The following WDSUB1 variants were observed in gnomAD, a reference collection of about 807,000 sequenced individuals.
WDSUB1 encodes WD repeat, SAM and U-box domain-containing protein 1.
In WDSUB1, 49 loss-of-function variants were observed where a neutral mutation model predicts 53.9. That is an observed-to-expected ratio of 0.91 (90% CI 0.72 to 1.15). The LOEUF (loss-of-function observed/expected upper bound fraction) is 1.15, where lower values mean the gene tolerates loss of function less well. Among genes scored for constraint, WDSUB1 ranks in the 50% most tolerant of loss-of-function variants. The pLI is 0.00. For missense variants in WDSUB1, 514 were observed against 562.0 expected (o/e 0.91, Z 0.86); for synonymous variants, 194 against 200.6 (o/e 0.97, Z 0.28).
intron 2 of WDSUB1, among the ~76,000 whole-genome samples, chr2:159,280,780 A>T (rs2061648228): frequency 6.6e-6 from 1 of 151,882 alleles, no homozygotes; most frequent in Non-Finnish European, 1.5e-5. Flanking sequence ...GGGCAAGTTA[A>T]AATTACGTTA....
At chr2:159,262,026 CA>C (rs2061239553) in intron 5 of WDSUB1, among the ~76,000 whole-genome samples, 2 of 146,942 alleles carry the variant, frequency 1.4e-5, no homozygotes, top group Non-Finnish European at 3.0e-5. Context: ...GATAATTAGC[CA>C]AAATTTCATC....
At chr2:159,272,736 T>C (rs1250299734) in intron 4 of WDSUB1, among the ~76,000 whole-genome samples, 4 of 152,222 alleles carry the variant, frequency 2.6e-5, no homozygotes, top group Non-Finnish European at 5.9e-5. Context: ...AAAAAATACT[T>C]TCTCATCCTG....
intron 5 of WDSUB1, among the ~76,000 whole-genome samples, chr2:159,264,801 G>A (rs867110624): frequency 1.3e-5 from 2 of 152,106 alleles, no homozygotes; most frequent in South Asian, 4.1e-4. Flanking sequence ...AAAAGGAAAA[G>A]GGCCAGGCGC....
At chr2:159,237,974 G>A (rs967421305) in intron 10 of WDSUB1, among the ~76,000 whole-genome samples, 3 of 138,640 alleles carry the variant, frequency 2.2e-5, no homozygotes, top group African/African-American at 5.3e-5. Context: ...GGAATTCTAA[G>A]TTTTTCATTC....
At chr2:159,281,396 G>A (rs533621782) in intron 2 of WDSUB1, among the ~76,000 whole-genome samples, 57 of 152,164 alleles carry the variant, frequency 3.7e-4, no homozygotes, top group African/African-American at 1.3e-3. Flanking sequence ...ACGCCACCAC[G>A]CCTAGCTAAT....
intron 10 of WDSUB1, among the ~76,000 whole-genome samples, chr2:159,243,303 G>T (rs904432910): frequency 1.4e-5 from 2 of 147,638 alleles, no homozygotes; most frequent in African/African-American, 2.6e-5. Context: ...AGGGGCTGGG[G>T]TCGGAAGACA....
chr2:159,282,917 CTTCAA>C lies in WDSUB1; in HGVS notation c.148_152del (p.Leu50ValfsTer33), dbSNP rs757306371. On this transcript the variant is annotated frameshift_variant, in exon 2 of 11. Transcript: ENST00000359774. LOFTEE classifies it high-confidence loss of function. ...AGCAGTGGACAGCATAGGTATGAAA[CTTCAA>C]TGGAGAATGTGGCAGTTCAGTAAAG... The C allele has an allele frequency of 6.2e-7, 1 of 1,614,190 alleles. No individual in the cohort carries two copies. The highest frequency in any genetic ancestry group is 8.5e-7 in the Non-Finnish European group (1 of 1,180,046).
chr2:159,257,068 A>G (rs777529451), intron 8 of WDSUB1, among the ~76,000 whole-genome samples: 51 of 152,200 alleles, frequency 3.4e-4, no homozygotes, highest in Admixed American at 5.9e-4. Flanking sequence ...GCGTGTTCTC[A>G]GCTCACTGCA....
At chr2:159,261,434 T>C (rs768222812) in intron 5 of WDSUB1, among the ~76,000 whole-genome samples, 2 of 152,220 alleles carry the variant, frequency 1.3e-5, no homozygotes, top group Non-Finnish European at 2.9e-5. Context: ...AATGTTAAAC[T>C]GCATCCAAAA....
At chr2:159,281,594 C>T (rs1159873400) in intron 2 of WDSUB1, among the ~76,000 whole-genome samples, 1 of 152,194 alleles carries the variant, frequency 6.6e-6, no homozygotes, top group African/African-American at 2.4e-5. Flanking sequence ...GTTCCTTCTT[C>T]TGGGCTTGGT....
intron 9 of WDSUB1, among the ~76,000 whole-genome samples, chr2:159,249,577 G>A (rs1048323909): frequency 4.6e-5 from 7 of 152,142 alleles, no homozygotes; most frequent in African/African-American, 1.7e-4. Flanking sequence ...TCTTCTTGAG[G>A]ATGTCTGAAA....
chr2:159,281,401 G>A lies in WDSUB1; in HGVS notation c.398+1271C>T, dbSNP rs145940012. On this transcript the variant is annotated intron_variant, in intron 2 of 10. Transcript: ENST00000359774. ...CTACAGGCACACGCCACCACGCCTA[G>A]CTAATAAAAATGATAACTTCTGTTA... 8.1e-3 allele frequency among the ~76,000 whole-genome samples: 1,231 copies of A among 152,234 alleles called. 12 individuals carry two copies. The highest frequency in any genetic ancestry group is 0.023 in the African/African-American group (951 of 41,522).
intron 6 of WDSUB1, among the ~76,000 whole-genome samples, chr2:159,258,529 C>T (rs545334500): frequency 1.3e-5 from 2 of 152,088 alleles, no homozygotes; most frequent in African/African-American, 4.8e-5. Flanking sequence ...CATGGTGGCA[C>T]GTGCCTGTAG....
In WDSUB1 at chr2:159,282,879, G is replaced by A; in HGVS notation, c.191C>T (p.Pro64Leu). The change falls in exon 2 of 11, where the codon CCT becomes CTT. Residue 64 changes from proline to leucine, a missense_variant. Transcript: ENST00000359774. ...TYAVHCCCFS[P>L]SGHILASCST... ...ACACGATGCCAAAATATGTCCTGAA[G>A]GGGAGAAACAGCAGCAGTGGACAGC... 1 of 1,614,166 alleles carries A rather than the reference G, an allele frequency of 6.2e-7. No homozygotes were observed. The highest frequency in any genetic ancestry group is 8.5e-7 in the Non-Finnish European group (1 of 1,180,030).
chr2:159,280,705 A>AAAAAAAT (rs1158126068), intron 2 of WDSUB1, among the ~76,000 whole-genome samples: 3 of 147,874 alleles, frequency 2.0e-5, no homozygotes, highest in Non-Finnish European at 3.0e-5. Context: ...AAAAAAAAAA[A>AAAAAAAT]AAAATTACCC....
At chr2:159,262,707 T>C (rs1004353387) in intron 5 of WDSUB1, among the ~76,000 whole-genome samples, 15 of 152,152 alleles carry the variant, frequency 9.9e-5, no homozygotes, top group Admixed American at 3.3e-4. Context: ...ATAACAGAAG[T>C]TTTCAATATT....
intron 3 of WDSUB1, among the ~76,000 whole-genome samples, chr2:159,277,081 G>A (rs985922828): frequency 2.6e-5 from 4 of 152,128 alleles, no homozygotes; most frequent in South Asian, 2.1e-4. Context: ...TTTAACAAAC[G>A]TGTACACCTG....
chr2:159,268,938 AAAGG>A (rs547662139), intron 5 of WDSUB1, among the ~76,000 whole-genome samples: 298 of 144,012 alleles, frequency 2.1e-3, no homozygotes, highest in African/African-American at 7.9e-3. Flanking sequence ...TTAGCTGAAG[AAAGG>A]AAAGGGAAAA....
At chr2:159,248,931 A>G (rs185736150) in intron 9 of WDSUB1, among the ~76,000 whole-genome samples, 21 of 152,340 alleles carry the variant, frequency 1.4e-4, no homozygotes, top group African/African-American at 4.8e-4. Context: ...ATCTACTACC[A>G]CCAGAAATCT....
Sources: gnomAD v4.1 joint callset for allele counts (sites outside exome capture counted in the v4.1 genomes callset) on GRCh38, gnomAD v4.1.1 for gene constraint, MANE v1.5 for transcripts, NCBI Gene and HGNC (gene_info 2026-07-23, HGNC 2026-07-21) for gene names.